The following CPPED1 variants were observed in gnomAD, a reference collection of about 807,000 sequenced individuals.
CPPED1 encodes the protein calcineurin like phosphoesterase domain containing 1.
A neutral mutation model predicts 28.0 loss-of-function variants in CPPED1; 28 were observed. That is an observed-to-expected ratio of 1.00 (90% confidence interval 0.74 to 1.37). CPPED1 has a LOEUF of 1.37. Ranked by LOEUF, CPPED1 falls within the 40% of genes most tolerant of loss-of-function variation. CPPED1 has a pLI of 0.00. For synonymous variants in CPPED1, 198 were observed against 180.2 expected (o/e 1.10, Z -0.79); for missense variants, 504 against 416.5 (o/e 1.21, Z -1.83).
chr16:12,664,988 C>T lies in CPPED1; in HGVS notation c.843G>A (p.Val281=), dbSNP rs147152842. The part of the protein sequence containing the change: ...LGRDPHGLRV[V]VVTAEKIVHR... ...GAACAATTTTCTCGGCGGTGACCAC[C>T]ACGACTCGGAGCCCGTGGGGGTCTC... Residue 281 remains valine, a synonymous_variant, in exon 4 of 4, where the codon GTG becomes GTA. Coordinates refer to ENST00000381774, the MANE Select transcript of CPPED1 (RefSeq NM_018340.3). The surrounding 1 kb of genome is among the most constrained non-coding windows in gnomAD (Gnocchi z 4.2). The T allele has an allele frequency of 5.0e-6, 8 of 1,611,490 alleles. No homozygotes were observed. In the African/African-American group the frequency reaches 9.4e-5, roughly 19 times the overall value.
chr16:12,725,924 G>T (rs1479598171), intron 2 of CPPED1, among the ~76,000 whole-genome samples: 1 of 152,204 alleles, frequency 6.6e-6, no homozygotes, highest in Non-Finnish European at 1.5e-5. Context: ...AGCTACAGTG[G>T]CTCATGCCTA....
chr16:12,781,110 C>T, intron 2 of CPPED1, 75 bp downstream of exon 2: 1 of 1,390,708 alleles, frequency 7.2e-7, no homozygotes, highest in Admixed American at 2.0e-5. Flanking sequence ...GAAGCAAAAT[C>T]TTTTTTTCTC....
chr16:12,666,695 A>G (rs546349943), intron 3 of CPPED1, among the ~76,000 whole-genome samples: 88 of 152,346 alleles, frequency 5.8e-4, no homozygotes, highest in Non-Finnish European at 9.7e-4. Context: ...CCATAGAGAT[A>G]CAAGAGCTGC....
At chr16:12,714,014 T>C (rs946606468) in intron 2 of CPPED1, among the ~76,000 whole-genome samples, 2 of 152,190 alleles carry the variant, frequency 1.3e-5, no homozygotes, top group Non-Finnish European at 2.9e-5. Flanking sequence ...AGGCATTTCA[T>C]AGAAATAGAA....
chr16:12,724,212 G>C (rs961008224), intron 2 of CPPED1, among the ~76,000 whole-genome samples: 1 of 152,128 alleles, frequency 6.6e-6, no homozygotes, highest in Non-Finnish European at 1.5e-5. Context: ...GGCATGCTCA[G>C]TGCTAAGACG....
intron 3 of CPPED1, among the ~76,000 whole-genome samples, chr16:12,677,902 G>A (rs1334928391): frequency 6.6e-6 from 1 of 152,140 alleles, no homozygotes; most frequent in Non-Finnish European, 1.5e-5. Context: ...TGGGCCATGT[G>A]GTCTCTGTCA....
chr16:12,788,114 T>C (rs968019254), intron 1 of CPPED1, among the ~76,000 whole-genome samples: 1 of 152,200 alleles, frequency 6.6e-6, no homozygotes, highest in Non-Finnish European at 1.5e-5. Context: ...ACTTGCCTCA[T>C]CGAACCACAC....
chr16:12,768,496 G>C (rs549286147), intron 2 of CPPED1, among the ~76,000 whole-genome samples: 1 of 152,188 alleles, frequency 6.6e-6, no homozygotes, highest in South Asian at 2.1e-4. Flanking sequence ...TTAATTAAAG[G>C]TACAGTTTCA....
chr16:12,769,473 G>T (rs959500713), intron 2 of CPPED1, among the ~76,000 whole-genome samples: 1 of 152,150 alleles, frequency 6.6e-6, no homozygotes, highest in African/African-American at 2.4e-5. Context: ...TCCTCTGCCG[G>T]ACTGCCACGT....
At chr16:12,756,137 C>A (rs8056462) in intron 2 of CPPED1, among the ~76,000 whole-genome samples, 39,352 of 142,188 alleles carry the variant, frequency 0.28, 6,258 homozygotes, top group African/African-American at 0.48. Flanking sequence ...TCAAAAAAAA[C>A]AAAAAAAAAT....
chr16:12,763,836 C>G (rs560063328), intron 2 of CPPED1, among the ~76,000 whole-genome samples: 4 of 152,166 alleles, frequency 2.6e-5, no homozygotes, highest in Non-Finnish European at 5.9e-5. Flanking sequence ...GCCTCAAATA[C>G]TAAACTGGTG....
intron 1 of CPPED1, among the ~76,000 whole-genome samples, chr16:12,784,725 G>A (rs1426219094): frequency 6.6e-6 from 1 of 152,176 alleles, no homozygotes; most frequent in African/African-American, 2.4e-5. Context: ...CCAGATAAGG[G>A]AGGTGAACAC....
chr16:12,778,408 C>G (rs1197051298), intron 2 of CPPED1, among the ~76,000 whole-genome samples: 1 of 151,328 alleles, frequency 6.6e-6, no homozygotes, highest in African/African-American at 2.4e-5. Context: ...CCCAGAGTAG[C>G]TGGGATCACA....
chr16:12,766,925 G>C (rs545444617), intron 2 of CPPED1, among the ~76,000 whole-genome samples: 3 of 152,252 alleles, frequency 2.0e-5, no homozygotes, highest in African/African-American at 7.2e-5. Flanking sequence ...ATGAGCGACA[G>C]CATTCCCAGG....
chr16:12,672,090 G>C (rs1210384473), intron 3 of CPPED1, among the ~76,000 whole-genome samples: 1 of 152,226 alleles, frequency 6.6e-6, no homozygotes, highest in Non-Finnish European at 1.5e-5. Context: ...GTGTGCAGTA[G>C]ACTACACCAT....
intron 1 of CPPED1, among the ~76,000 whole-genome samples, chr16:12,789,459 A>C (rs935530619): frequency 1.3e-5 from 2 of 152,188 alleles, no homozygotes; most frequent in Admixed American, 6.5e-5. Context: ...TAGAGAAGAC[A>C]TATCCAAGCC....
At chr16:12,744,104 G>C (rs1178412998) in intron 2 of CPPED1, among the ~76,000 whole-genome samples, 1 of 151,720 alleles carries the variant, frequency 6.6e-6, no homozygotes, top group African/African-American at 2.4e-5. Flanking sequence ...GTGAAACCCT[G>C]TCTCTACTAA....
At chr16:12,673,531 C>G (rs754774221) in intron 3 of CPPED1, among the ~76,000 whole-genome samples, 1 of 152,284 alleles carries the variant, frequency 6.6e-6, no homozygotes, top group Admixed American at 6.5e-5. Context: ...TATTGAGTGG[C>G]ATTAACAGAG....
chr16:12,762,506 T>G (rs147377139), intron 2 of CPPED1, among the ~76,000 whole-genome samples: 67 of 152,342 alleles, frequency 4.4e-4, no homozygotes, highest in Admixed American at 1.8e-3. Context: ...TATATCCATA[T>G]GGTAGAATAT....
Sources: gnomAD v4.1 joint callset for allele counts (sites outside exome capture counted in the v4.1 genomes callset) on GRCh38, gnomAD v4.1.1 for gene constraint, Gnocchi (gnomAD v3.1) non-coding constraint, MANE v1.5 for transcripts, NCBI Gene and HGNC (gene_info 2026-07-23, HGNC 2026-07-21) for gene names.